COL11A1: variants seen among roughly 807,000 people sequenced by gnomAD.
COL11A1 encodes the protein collagen type XI alpha 1 chain.
Under a neutral mutation model 265.2 loss-of-function variants are expected in COL11A1, and 74 were observed. That is an observed-to-expected ratio of 0.28 (90% CI 0.23 to 0.34). The LOEUF (loss-of-function observed/expected upper bound fraction) is 0.34, where lower values mean the gene tolerates loss of function less well. Ranked by LOEUF, COL11A1 falls within the 10% of genes least tolerant of loss-of-function variation. COL11A1 has a pLI of 1.00. For synonymous variants in COL11A1, 816 were observed against 727.6 expected (o/e 1.12, Z -1.96); for missense variants, 2,165 against 2,263.6 (o/e 0.96, Z 0.88).
At chr1:102,963,374 C>T (rs1264900940) in intron 38 of COL11A1, among the ~76,000 whole-genome samples, 4 of 152,168 alleles carry the variant, frequency 2.6e-5, no homozygotes, top group African/African-American at 9.7e-5. Flanking sequence ...AAATGGTCAG[C>T]TGCCTTAAAT....
At chr1:102,956,847 A>G (rs1660418397) in intron 41 of COL11A1, among the ~76,000 whole-genome samples, 1 of 151,876 alleles carries the variant, frequency 6.6e-6, no homozygotes. Context: ...GCCAAAGTGA[A>G]AAGAATTCTA....
chr1:103,021,181 A>G (rs1667030714), intron 9 of COL11A1, among the ~76,000 whole-genome samples: 1 of 151,338 alleles, frequency 6.6e-6, no homozygotes, highest in African/African-American at 2.4e-5. Context: ...TATTAGTAAT[A>G]ATATTGATAT....
chr1:103,019,471 A>T (rs1389215081), intron 9 of COL11A1, among the ~76,000 whole-genome samples: 1 of 152,170 alleles, frequency 6.6e-6, no homozygotes, highest in Non-Finnish European at 1.5e-5. Flanking sequence ...AACTTTTTAT[A>T]ATAAGGACTG....
chr1:102,886,529 G>A (rs1305923945), intron 63 of COL11A1, among the ~76,000 whole-genome samples: 1 of 152,082 alleles, frequency 6.6e-6, no homozygotes, highest in Non-Finnish European at 1.5e-5. Flanking sequence ...TCCATTCTGT[G>A]ATAGTTATTA....
At chr1:103,091,923 C>G (rs1346852018) in intron 1 of COL11A1, among the ~76,000 whole-genome samples, 1 of 152,038 alleles carries the variant, frequency 6.6e-6, no homozygotes, top group Non-Finnish European at 1.5e-5. Context: ...AAACACATAA[C>G]AAGCCTATTA....
In COL11A1 at chr1:103,002,729, T is replaced by C. The variant is rs1452830489; in HGVS notation, c.2043+18A>G. On this transcript the variant is annotated intron_variant, in intron 22 of 66. Coordinates refer to ENST00000370096, the MANE Select transcript of COL11A1 (RefSeq NM_001854.4). ...TTATATTCAAATATGAGTTATTTTA[T>C]CACTATTTGCTACATACCATGTTCC... The C allele has an allele frequency of 6.2e-7, 1 of 1,603,120 alleles. No homozygotes were observed. The highest frequency in any genetic ancestry group is 8.5e-7 in the Non-Finnish European group (1 of 1,170,130).
At position 102,889,663 on chromosome 1, in the gene COL11A1, T is replaced by A. The variant is rs1294001534; in HGVS notation, c.4357-101A>T. On this transcript the variant is annotated intron_variant, in intron 58 of 66. Coordinates refer to ENST00000370096, the MANE Select transcript of COL11A1 (RefSeq NM_001854.4). ...ACATTAAATTTCTAAAGCATAAAAA[T>A]GAACAATGCTGATAAAACAACATTA... 3.6e-6 allele frequency: 3 copies of A among 828,446 alleles called. No homozygotes were observed. The Admixed American group carries it at 6.2e-5, about 17-fold the overall frequency. The allele number at this position is 828,446 out of a possible 1,614,324, so 51.3% of individuals were successfully genotyped here.
chr1:102,979,132 G>T, intron 32 of COL11A1, 28 bp from the exon 33 acceptor site: 1 of 1,606,794 alleles, frequency 6.2e-7, no homozygotes, highest in Non-Finnish European at 8.5e-7. Flanking sequence ...ATTTCAATAT[G>T]CAGTATATCA....
At chr1:102,971,438 A>T (rs2101633411) in intron 36 of COL11A1, among the ~76,000 whole-genome samples, 1 of 152,338 alleles carries the variant, frequency 6.6e-6, no homozygotes, top group African/African-American at 2.4e-5. Context: ...ACGGGTAGAG[A>T]TAAAAATACT....
At chr1:103,053,168 T>C (rs1282228819) in intron 4 of COL11A1, among the ~76,000 whole-genome samples, 1 of 152,184 alleles carries the variant, frequency 6.6e-6, no homozygotes, top group Non-Finnish European at 1.5e-5. Context: ...GCAATGCCCC[T>C]TTTAGAGGAC....
chr1:102,902,877 C>T (rs12033877), intron 54 of COL11A1, among the ~76,000 whole-genome samples: 43,702 of 150,532 alleles, frequency 0.29, 7,019 homozygotes, highest in African/African-American at 0.43. Context: ...GGTACACACA[C>T]ATATATATAT....
At chr1:103,091,099 A>G (rs887739031) in intron 1 of COL11A1, among the ~76,000 whole-genome samples, 1 of 151,982 alleles carries the variant, frequency 6.6e-6, no homozygotes, top group African/African-American at 2.4e-5. Flanking sequence ...TATCATTAGC[A>G]TTTTTCTCTT....
intron 63 of COL11A1, among the ~76,000 whole-genome samples, chr1:102,883,950 T>C (rs563429992): frequency 7.2e-5 from 11 of 152,318 alleles, no homozygotes; most frequent in Admixed American, 5.9e-4. Flanking sequence ...TGAATAATCA[T>C]CACCATTCAT....
At chr1:103,107,128 G>C (rs1674755066) in intron 1 of COL11A1, among the ~76,000 whole-genome samples, 1 of 152,154 alleles carries the variant, frequency 6.6e-6, no homozygotes, top group African/African-American at 2.4e-5. Context: ...GAAAGAGGGA[G>C]GGAGAAGGCG....
In COL11A1 at chr1:102,878,042, C is replaced by A. The variant is rs958368134; in HGVS notation, c.5398G>T (p.Gly1800Cys). Residue 1800 changes from glycine (G) to cysteine (C), a missense_variant, in exon 67 of 67, where the codon GGT becomes TGT. By Grantham distance (159) the Gly-to-Cys change is radical (BLOSUM62 -3). Transcript: ENST00000370096. ...DQNQKFGFEV[G>C]PVCFLG ...TCTTAGCCAAGAAAACAAACAGGAC[C>A]AACTTCAAATCCGAACTTCTGATTC... 3.7e-6 allele frequency: 6 copies of A among 1,613,378 alleles called. No individual in the cohort carries two copies. The highest frequency in any genetic ancestry group is 5.1e-6 in the Non-Finnish European group (6 of 1,179,684).
chr1:102,883,133 T>G, intron 64 of COL11A1, 66 bp downstream of exon 64: 1 of 1,006,312 alleles, frequency 9.9e-7, no homozygotes. Flanking sequence ...TTTTCCTGTT[T>G]AGTTCAATAT....
intron 1 of COL11A1, chr1:103,100,768 G>A (rs1674199814): frequency 6.6e-6 from 1 of 151,914 alleles, no homozygotes; most frequent in African/African-American, 2.4e-5. Flanking sequence ...CAAGGGCCTT[G>A]GAGAAAGCTT....
chr1:102,966,437 A>C (rs1275124234), intron 37 of COL11A1, among the ~76,000 whole-genome samples: 1 of 152,176 alleles, frequency 6.6e-6, no homozygotes, highest in African/African-American at 2.4e-5. Context: ...ACTATGAATG[A>C]ATTATTTACA....
intron 1 of COL11A1, among the ~76,000 whole-genome samples, chr1:103,106,297 C>T (rs1326208458): frequency 1.3e-5 from 2 of 152,126 alleles, no homozygotes; most frequent in East Asian, 3.9e-4. Flanking sequence ...CATCCATCAC[C>T]GAAGAAATTC....
Sources: allele counts gnomAD v4.1 joint callset (sites outside exome capture counted in the v4.1 genomes callset), GRCh38; gene constraint gnomAD v4.1.1; transcripts MANE v1.5; gene names NCBI Gene and HGNC (gene_info 2026-07-23, HGNC 2026-07-21).